PGR: variants seen among roughly 807,000 people sequenced by gnomAD.
PGR encodes the protein progesterone receptor.
A neutral mutation model predicts 76.1 loss-of-function variants in PGR; 25 were observed. The ratio of observed to expected loss-of-function variants is 0.33; its 90% CI spans 0.24 to 0.46. The LOEUF (loss-of-function observed/expected upper bound fraction) is 0.46, where lower values mean the gene tolerates loss of function less well. PGR is among the 20% of genes least tolerant of loss of function. The pLI is 1.00. For missense variants in PGR, 1,172 were observed against 1,225.3 expected, an observed-to-expected ratio of 0.96 and a Z score of 0.65; for synonymous variants, 579 against 535.0, an observed-to-expected ratio of 1.08 and a Z score of -1.14.
Position 101,036,394 on chromosome 11 carries a change from A to G in PGR, c.*2722T>C, listed in dbSNP as rs1454353974. The G allele has an allele frequency of 6.8e-5, 14 of 205,194 alleles. No individual in the cohort carries two copies. The allele number at this position is 205,194 out of a possible 1,614,324, so 12.7% of individuals were successfully genotyped here. ...CTCAAATGGCTTTTCAAACCTTTTT[A>G]CAGAAAATATTTTCATTAACTCAAG... is the stretch of plus-strand genomic sequence containing the variant. On this transcript the variant is annotated 3_prime_UTR_variant, in exon 8 of 8. Transcript: ENST00000325455.
intron 4 of PGR, among the ~76,000 whole-genome samples, chr11:101,060,984 C>T (rs11571228): frequency 0.021 from 3,137 of 152,170 alleles, 83 homozygotes; most frequent in African/African-American, 0.057. Context: ...TATTTTCTAA[C>T]GTTACCAGCT....
chr11:101,041,823 C>A, intron 7 of PGR, 122 bp downstream of exon 7: 1 of 863,198 alleles, frequency 1.2e-6, no homozygotes, highest in South Asian at 1.5e-5. Flanking sequence ...GATCCAAACA[C>A]TTTTAACATA....
At chr11:101,108,327 G>A (rs116284549) in intron 2 of PGR, among the ~76,000 whole-genome samples, 3,024 of 151,542 alleles carry the variant, frequency 0.02, 79 homozygotes, top group African/African-American at 0.057. Flanking sequence ...ATTGCTTGAG[G>A]CCAGGAGTTC....
intron 3 of PGR, among the ~76,000 whole-genome samples, chr11:101,066,658 T>G (rs1371204040): frequency 3.9e-5 from 6 of 152,224 alleles, no homozygotes; most frequent in Non-Finnish European, 8.8e-5. Context: ...AGCAGAACTT[T>G]GATGCATTGG....
At position 101,129,129 on chromosome 11, in the gene PGR, G is replaced by C; in HGVS notation, c.-59C>G. On this transcript the variant is annotated 5_prime_UTR_variant, in exon 1 of 8. Coordinates refer to ENST00000325455, the MANE Select transcript of PGR (RefSeq NM_000926.4). ...TCCAGGAGGAGGGAAAAGGGAAGGA[G>C]GAGGGGGTTTCGGGAATATAGGGGC... is the stretch of plus-strand genomic sequence containing the variant. 1 of 1,410,378 alleles carries C rather than the reference G, an allele frequency of 7.1e-7. No homozygotes were observed. The highest frequency in any genetic ancestry group is 1.5e-5 in the South Asian group (1 of 68,948). 87.4% of individuals were successfully genotyped at this position (1,410,378 alleles called of 1,614,324 possible). A position where few individuals can be genotyped will look rare whatever the true frequency, so the allele number is the denominator to read the frequency against.
chr11:101,081,628 C>G (rs1465074848), intron 3 of PGR, among the ~76,000 whole-genome samples: 1 of 152,132 alleles, frequency 6.6e-6, no homozygotes, highest in South Asian at 2.1e-4. Flanking sequence ...AAAGAAATTT[C>G]AACCAAGAAT....
At chr11:101,086,313 C>T (rs933053743) in intron 3 of PGR, among the ~76,000 whole-genome samples, 2 of 148,838 alleles carry the variant, frequency 1.3e-5, no homozygotes, top group Non-Finnish European at 3.0e-5. Flanking sequence ...ATATGATTTA[C>T]CACATGAGAA....
intron 2 of PGR, among the ~76,000 whole-genome samples, chr11:101,123,220 C>G (rs1242060249): frequency 6.6e-6 from 1 of 152,176 alleles, no homozygotes; most frequent in Non-Finnish European, 1.5e-5. Flanking sequence ...TTAAGACCTG[C>G]AAAGCACTGA....
intron 3 of PGR, among the ~76,000 whole-genome samples, chr11:101,070,075 G>A (rs532241375): frequency 1.4e-4 from 22 of 152,040 alleles, no homozygotes; most frequent in Non-Finnish European, 2.5e-4. Context: ...AGCTCCCAAC[G>A]CGATCAACAC....
At chr11:101,085,535 A>AAC (rs1424141284) in intron 3 of PGR, among the ~76,000 whole-genome samples, 7 of 148,336 alleles carry the variant, frequency 4.7e-5, no homozygotes, top group African/African-American at 1.7e-4. Context: ...TAAAAAAAAA[A>AAC]AAAAAAAAAA....
intron 4 of PGR, among the ~76,000 whole-genome samples, chr11:101,052,952 C>G (rs1012533229): frequency 6.6e-6 from 1 of 151,940 alleles, no homozygotes; most frequent in South Asian, 2.1e-4. Flanking sequence ...ATTCAGGGGT[C>G]AACATCCTGG....
chr11:101,106,979 G>A (rs920816642), intron 2 of PGR, among the ~76,000 whole-genome samples: 3 of 152,214 alleles, frequency 2.0e-5, no homozygotes, highest in African/African-American at 2.4e-5. Flanking sequence ...ACCAAACACC[G>A]CATTGTCTCA....
intron 3 of PGR, among the ~76,000 whole-genome samples, chr11:101,070,519 T>C (rs1860892487): frequency 6.6e-6 from 1 of 152,176 alleles, no homozygotes; most frequent in African/African-American, 2.4e-5. Flanking sequence ...GGGAGCCAAG[T>C]GATCTAGCTC....
At chr11:101,054,751 C>T (rs1486411043) in intron 4 of PGR, among the ~76,000 whole-genome samples, 1 of 152,124 alleles carries the variant, frequency 6.6e-6, no homozygotes, top group Admixed American at 6.5e-5. Context: ...GTAAAAATCA[C>T]AATTCACAAT....
Position 101,042,422 on chromosome 11 carries a change from T to C in PGR, c.2489-320A>G, listed in dbSNP as rs11571251. On this transcript the variant is annotated intron_variant, in intron 6 of 7. Transcript: ENST00000325455. ...AGAACCTGGCCTTATTCTACATGCTTCTTAAATACTTGGTTTGACTTAGTT... is the reference window on the plus strand; with the variant it reads ...AGAACCTGGCCTTATTCTACATGCTCCTTAAATACTTGGTTTGACTTAGTT... Among the ~76,000 whole-genome samples, 600 of 152,272 alleles carry C rather than the reference T, an allele frequency of 3.9e-3. 6 individuals carry two copies. The highest frequency in any genetic ancestry group is 0.013 in the African/African-American group (560 of 41,574).
Position 101,033,859 on chromosome 11 carries a change from G to C in PGR, c.*5257C>G. 2 of 210,482 alleles carry C rather than the reference G, an allele frequency of 9.5e-6. No individual in the cohort carries two copies. Among genetic ancestry groups the C allele is most frequent in the East Asian group, 1.4e-4 (2 of 13,870 alleles). The allele number at this position is 210,482 out of a possible 1,614,324, so 13.0% of individuals were successfully genotyped here. On this transcript the variant is annotated 3_prime_UTR_variant, in exon 8 of 8. Coordinates refer to ENST00000325455, the MANE Select transcript of PGR (RefSeq NM_000926.4). ...AAAACATTTAACTGGGCTTCATTTAGAATAATTTATATCTGATAAATTGAA... is the reference window on the plus strand; with the variant it reads ...AAAACATTTAACTGGGCTTCATTTACAATAATTTATATCTGATAAATTGAA...
chr11:101,062,395 A>G, intron 4 of PGR, 52 bp downstream of exon 4: 1 of 1,353,676 alleles, frequency 7.4e-7, no homozygotes, highest in Non-Finnish European at 1.1e-6. Flanking sequence ...GTACTAATAC[A>G]ACAAACATAG....
At chr11:101,072,299 G>C (rs1043631852) in intron 3 of PGR, among the ~76,000 whole-genome samples, 5 of 152,150 alleles carry the variant, frequency 3.3e-5, no homozygotes, top group Admixed American at 2.6e-4. Context: ...TCACCACGAG[G>C]CCTGCCTTAC....
chr11:101,039,026 G>T lies in PGR; in HGVS notation c.*90C>A. 7 of 927,098 alleles carry T rather than the reference G, an allele frequency of 7.6e-6. No homozygotes were observed. The South Asian group carries it at 8.6e-5, about 11-fold the overall frequency. 57.4% of individuals were successfully genotyped at this position (927,098 alleles called of 1,614,324 possible). On this transcript the variant is annotated 3_prime_UTR_variant, in exon 8 of 8. Coordinates refer to ENST00000325455, the MANE Select transcript of PGR (RefSeq NM_000926.4). Reference sequence around the variant, plus strand: ...TGTTATAAATGTAAGGCTTTCAGAAGAACATTATAAAAACTCAAGACCTCA... The same window carrying T: ...TGTTATAAATGTAAGGCTTTCAGAATAACATTATAAAAACTCAAGACCTCA...
Sources: gnomAD v4.1 joint callset for allele counts (sites outside exome capture counted in the v4.1 genomes callset) on GRCh38, gnomAD v4.1.1 for gene constraint, MANE v1.5 for transcripts, NCBI Gene and HGNC (gene_info 2026-07-23, HGNC 2026-07-21) for gene names.